Variants in DCC observed in about 807,000 individuals in gnomAD.
The protein encoded by DCC is DCC netrin 1 receptor.
Under a neutral mutation model 172.5 loss-of-function variants are expected in DCC, and 58 were observed. That is an observed-to-expected ratio of 0.34 (90% CI 0.27 to 0.42). The LOEUF is 0.42. Among genes scored for constraint, DCC ranks in the 10% least tolerant of loss-of-function variants. The pLI is 1.00. For missense variants in DCC, 1,740 were observed against 1,791.0 expected, an observed-to-expected ratio of 0.97 and a Z score of 0.51; for synonymous variants, 709 against 644.5, an observed-to-expected ratio of 1.10 and a Z score of -1.52.
intron 8 of DCC, among the ~76,000 whole-genome samples, chr18:53,173,125 A>C (rs2055038254): frequency 6.6e-6 from 1 of 152,124 alleles, no homozygotes; most frequent in African/African-American, 2.4e-5. Context: ...TTTGCTTTTA[A>C]AAAGCAATTT....
At chr18:53,420,218 C>T (rs536767383) in intron 21 of DCC, among the ~76,000 whole-genome samples, 1 of 152,192 alleles carries the variant, frequency 6.6e-6, no homozygotes, top group Non-Finnish European at 1.5e-5. Context: ...TATAGCCACA[C>T]ATTCACATTC....
At position 53,066,006 on chromosome 18, in the gene DCC, T is replaced by G. The variant is rs371668930; in HGVS notation, c.1141-40T>G. 2.3e-5 allele frequency: 37 copies of G among 1,610,560 alleles called. No homozygotes were observed. The African/African-American group carries it at 4.3e-4, about 19-fold the overall frequency. ...GTTCATTTTGTCACCTTGCATTTTTTGCTTTCTAAAATACTTTACCTGCTT... is the reference window on the plus strand; with the variant it reads ...GTTCATTTTGTCACCTTGCATTTTTGGCTTTCTAAAATACTTTACCTGCTT... On this transcript the variant is annotated intron_variant, in intron 6 of 28. Coordinates refer to ENST00000442544, the MANE Select transcript of DCC (RefSeq NM_005215.4).
At chr18:53,369,577 G>A (rs763155541) in intron 15 of DCC, among the ~76,000 whole-genome samples, 1 of 151,874 alleles carries the variant, frequency 6.6e-6, no homozygotes, top group African/African-American at 2.4e-5. Flanking sequence ...TAGAGGAAAA[G>A]TCTCACCATT....
At chr18:52,508,969 C>G (rs1436056345) in intron 1 of DCC, among the ~76,000 whole-genome samples, 2 of 152,224 alleles carry the variant, frequency 1.3e-5, no homozygotes, top group Non-Finnish European at 2.9e-5. Flanking sequence ...GCGTCACTGA[C>G]TGAAATGCGG....
chr18:52,466,826 A>G (rs1164247161), intron 1 of DCC, among the ~76,000 whole-genome samples: 2 of 152,144 alleles, frequency 1.3e-5, no homozygotes, highest in Non-Finnish European at 2.9e-5. Flanking sequence ...TCTATGCCAA[A>G]CACTTAGCTA....
At chr18:53,021,171 C>T (rs11872713) in intron 5 of DCC, among the ~76,000 whole-genome samples, 23,216 of 152,092 alleles carry the variant, frequency 0.15, 2,081 homozygotes, top group East Asian at 0.32. Context: ...CAGGGTATGG[C>T]GAAGACAGAG....
At chr18:53,443,332 G>A (rs1912393557) in intron 22 of DCC, among the ~76,000 whole-genome samples, 1 of 152,118 alleles carries the variant, frequency 6.6e-6, no homozygotes, top group Non-Finnish European at 1.5e-5. Flanking sequence ...TACTCTGCCT[G>A]TACCCTATAA....
chr18:53,420,690 A>G (rs1405174453), intron 21 of DCC, among the ~76,000 whole-genome samples: 1 of 152,046 alleles, frequency 6.6e-6, no homozygotes, highest in Non-Finnish European at 1.5e-5. Flanking sequence ...CTACCCTATG[A>G]TTTCATTTAA....
At position 53,325,838 on chromosome 18, in the gene DCC, A is replaced by G. The variant is rs530868973; in HGVS notation, c.2164+3681A>G. 2.2e-4 allele frequency among the ~76,000 whole-genome samples: 34 copies of G among 152,328 alleles called. No individual in the cohort carries two copies. In the South Asian group the frequency reaches 4.6e-3, roughly 20 times the overall value. ...ACATGAAAACAGCAAGAACAGCTCT[A>G]TTGAGAACCAGACAGATAATGGCTG... On this transcript the variant is annotated intron_variant, in intron 14 of 28. Coordinates refer to ENST00000442544, the MANE Select transcript of DCC (RefSeq NM_005215.4).
intron 25 of DCC, among the ~76,000 whole-genome samples, chr18:53,470,268 A>T (rs1233264230): frequency 1.3e-5 from 2 of 152,162 alleles, no homozygotes; most frequent in Non-Finnish European, 2.9e-5. Context: ...GTCTTTGCTA[A>T]AACATAGCAA....
At chr18:52,840,841 AAC>A (rs1270017920) in intron 2 of DCC, among the ~76,000 whole-genome samples, 15 of 152,244 alleles carry the variant, frequency 9.9e-5, no homozygotes, top group African/African-American at 3.6e-4. Flanking sequence ...AGGTGCAGGA[AAC>A]ACAGCAGTGA....
chr18:53,199,745 AT>A (rs1476333899), intron 9 of DCC, among the ~76,000 whole-genome samples: 2 of 152,138 alleles, frequency 1.3e-5, no homozygotes, highest in African/African-American at 4.8e-5. Context: ...CTAGCCAGGA[AT>A]GCAGTAAACA....
chr18:52,461,207 G>A (rs189638844), intron 1 of DCC, among the ~76,000 whole-genome samples: 37 of 152,046 alleles, frequency 2.4e-4, no homozygotes, highest in East Asian at 1.2e-3. Context: ...ATTAGGCTAG[G>A]CCTACGCAGG....
At chr18:52,873,467 A>G (rs929131236) in intron 2 of DCC, among the ~76,000 whole-genome samples, 2 of 152,204 alleles carry the variant, frequency 1.3e-5, no homozygotes, top group Non-Finnish European at 2.9e-5. Context: ...TCCCTCTTCC[A>G]TTCAACTTGG....
At chr18:53,513,375 C>T (rs996149665) in intron 27 of DCC, among the ~76,000 whole-genome samples, 2 of 152,140 alleles carry the variant, frequency 1.3e-5, no homozygotes, top group Non-Finnish European at 2.9e-5. Context: ...AATGTAAAGA[C>T]CATCAAAGAC....
intron 7 of DCC, among the ~76,000 whole-genome samples, chr18:53,089,497 T>C (rs1375145136): frequency 6.6e-6 from 1 of 152,036 alleles, no homozygotes; most frequent in Non-Finnish European, 1.5e-5. Flanking sequence ...TCTTTCTTCA[T>C]GAAAAAGTTA....
intron 1 of DCC, among the ~76,000 whole-genome samples, chr18:52,686,855 C>CA (rs2035844873): frequency 6.6e-6 from 1 of 152,098 alleles, no homozygotes; most frequent in Admixed American, 6.6e-5. Context: ...GCCAATCCCT[C>CA]AGTCCTTCTC....
intron 26 of DCC, among the ~76,000 whole-genome samples, chr18:53,494,127 T>C (rs561436366): frequency 5.3e-5 from 8 of 152,224 alleles, no homozygotes; most frequent in Non-Finnish European, 1.2e-4. Context: ...TTCCATGTAG[T>C]TGTGTGGTTT....
intron 1 of DCC, among the ~76,000 whole-genome samples, chr18:52,616,324 A>G (rs571622007): frequency 9.9e-5 from 15 of 152,092 alleles, no homozygotes; most frequent in Middle Eastern, 3.4e-3. Context: ...TTTTGGTTAG[A>G]CGGGACTATC....
Sources: gnomAD v4.1 joint callset for allele counts (sites outside exome capture counted in the v4.1 genomes callset) on GRCh38, gnomAD v4.1.1 for gene constraint, MANE v1.5 for transcripts, NCBI Gene and HGNC (gene_info 2026-07-23, HGNC 2026-07-21) for gene names.